COL5A2: variants seen among roughly 807,000 people sequenced by gnomAD.
COL5A2 encodes collagen type V alpha 2 chain.
In COL5A2, 23 loss-of-function variants were observed where a neutral mutation model predicts 208.2. The ratio of observed to expected loss-of-function variants is 0.11; its 90% CI spans 0.08 to 0.16. The LOEUF (loss-of-function observed/expected upper bound fraction) is 0.16, where lower values mean the gene tolerates loss of function less well. Among genes scored for constraint, COL5A2 ranks in the 10% least tolerant of loss-of-function variants. COL5A2 has a pLI of 1.00. For synonymous variants in COL5A2, 625 were observed against 628.5 expected (o/e 0.99, Z 0.08); for missense variants, 1,590 against 1,956.4 (o/e 0.81, Z 3.53).
the COL5A2 span, among the ~76,000 whole-genome samples, chr2:189,253,077 A>G: frequency 4.6e-5 from 7 of 152,218 alleles, no homozygotes; most frequent in Non-Finnish European, 7.3e-5. Flanking sequence ...GAATTTGAAG[A>G]GATGTCTGGT....
chr2:189,179,931 T>C (rs1407736377), upstream of COL5A2: 4 of 521,710 alleles, frequency 7.7e-6, no homozygotes, highest in Non-Finnish European at 1.0e-5. Flanking sequence ...GCCTGAACTT[T>C]CCCTATTTCA....
intron 1 of COL5A2, among the ~76,000 whole-genome samples, chr2:189,169,996 C>T (rs879711763): frequency 2.6e-5 from 4 of 152,172 alleles, no homozygotes; most frequent in Admixed American, 6.5e-5. Flanking sequence ...GGATTACAGG[C>T]GTGAGCCACC....
chr2:189,156,551 T>C (rs980550648), intron 1 of COL5A2, among the ~76,000 whole-genome samples: 7 of 152,176 alleles, frequency 4.6e-5, no homozygotes, highest in African/African-American at 1.7e-4. Flanking sequence ...CATAAATTAA[T>C]TTTAAAAGAG....
In COL5A2 at chr2:189,045,801, G is replaced by T. The variant is rs150401168; in HGVS notation, c.3308C>A (p.Pro1103Gln). Residue 1103 changes from proline (P) to glutamine (Q), a missense_variant and splice_region_variant, in exon 46 of 54, where the codon CCG (proline) becomes CAG (glutamine). By Grantham distance (76) the Pro-to-Gln change is moderately conservative. Coordinates refer to ENST00000374866, the MANE Select transcript of COL5A2 (RefSeq NM_000393.5). ...GTGTGAAATTGACTCCCTCCTTACC[G>T]GATCTCCTCTTTGTCCTGCATCTCC... ...APGDAGQRGD[P>Q]GSRGPIGPPG... The T allele has an allele frequency of 1.2e-6, 2 of 1,613,412 alleles. No homozygotes were observed. The highest frequency in any genetic ancestry group is 1.3e-5 in the African/African-American group (1 of 74,888).
the COL5A2 span, among the ~76,000 whole-genome samples, chr2:189,243,414 C>G: frequency 2.6e-5 from 4 of 152,096 alleles, no homozygotes; most frequent in Non-Finnish European, 5.9e-5. Flanking sequence ...CTCAAGAGGT[C>G]TCACAATCAT....
At chr2:189,107,033 G>A (rs1237958947) in intron 2 of COL5A2, among the ~76,000 whole-genome samples, 1 of 151,334 alleles carries the variant, frequency 6.6e-6, no homozygotes, top group Non-Finnish European at 1.5e-5. Context: ...TTTTTTGTGT[G>A]TGTCATTGTT....
chr2:189,077,338 A>AC (rs1559092734), intron 16 of COL5A2, among the ~76,000 whole-genome samples: 1 of 152,198 alleles, frequency 6.6e-6, no homozygotes, highest in Non-Finnish European at 1.5e-5. Flanking sequence ...GAAAGAATGT[A>AC]TGGGTCTTGG....
At chr2:189,141,234 G>A (rs185498124) in intron 1 of COL5A2, among the ~76,000 whole-genome samples, 3 of 152,172 alleles carry the variant, frequency 2.0e-5, no homozygotes, top group Admixed American at 2.0e-4. Context: ...AAAAACATTG[G>A]TGAATTAATA....
Position 189,063,156 on chromosome 2 carries a change from T to C in COL5A2, c.1869+16A>G. The C allele has an allele frequency of 1.2e-6, 2 of 1,613,126 alleles. No homozygotes were observed. The highest frequency in any genetic ancestry group is 1.6e-4 in the Middle Eastern group (1 of 6,062). ...GATCATGATGAGGTGGCCAACATATTATACACTGTACTCACACTGCTACCT... is the reference window on the plus strand; with the variant it reads ...GATCATGATGAGGTGGCCAACATATCATACACTGTACTCACACTGCTACCT... On this transcript the variant is annotated intron_variant, in intron 27 of 53. Transcript: ENST00000374866.
the COL5A2 span, among the ~76,000 whole-genome samples, chr2:189,243,088 A>G: frequency 4.6e-5 from 7 of 152,222 alleles, no homozygotes; most frequent in East Asian, 1.3e-3. Flanking sequence ...AGGGAAAGGC[A>G]AAGAAAAGAG....
chr2:189,061,436 T>C (rs1265516578), intron 30 of COL5A2, 126 bp downstream of exon 30: 2 of 738,578 alleles, frequency 2.7e-6, no homozygotes, highest in Non-Finnish European at 4.7e-6. Flanking sequence ...CTATACTATC[T>C]ACTAAAAGAG....
At chr2:189,283,002 A>G in the COL5A2 span, among the ~76,000 whole-genome samples, 4 of 152,190 alleles carry the variant, frequency 2.6e-5, no homozygotes, top group African/African-American at 9.6e-5. Flanking sequence ...AGTTAGGAAT[A>G]TAAGCAACAT....
In COL5A2 at chr2:189,041,696, G is replaced by T; in HGVS notation, c.3526-3C>A. On this transcript the variant is annotated splice_region_variant and splice_polypyrimidine_tract_variant and intron_variant, in intron 49 of 53. Coordinates refer to ENST00000374866, the MANE Select transcript of COL5A2 (RefSeq NM_000393.5). ...GGACCAACTGGGCCTGGAGGACCCT[G>T]CAAGAAACAAAGACTGTAGTTTAGA... The T allele has an allele frequency of 1.2e-6, 2 of 1,609,722 alleles. No homozygotes were observed. Among genetic ancestry groups the T allele is most frequent in the Non-Finnish European group, 1.7e-6 (2 of 1,176,078 alleles).
At chr2:189,245,744 G>A in the COL5A2 span, among the ~76,000 whole-genome samples, 2 of 152,014 alleles carry the variant, frequency 1.3e-5, no homozygotes, top group Admixed American at 6.6e-5. Context: ...AAAGTGCTGG[G>A]GATCTATCAC....
At chr2:189,255,507 AAT>A in the COL5A2 span, among the ~76,000 whole-genome samples, 1 of 152,314 alleles carries the variant, frequency 6.6e-6, no homozygotes, top group South Asian at 2.1e-4. Flanking sequence ...TGAAAAATTC[AAT>A]ATTCTCACAG....
chr2:189,293,063 A>T, the COL5A2 span, among the ~76,000 whole-genome samples: 1 of 148,344 alleles, frequency 6.7e-6, no homozygotes, highest in African/African-American at 2.5e-5. Context: ...ATGAGAACAC[A>T]TGGACACAGG....
the COL5A2 span, among the ~76,000 whole-genome samples, chr2:189,322,206 A>G: frequency 6.6e-6 from 1 of 152,240 alleles, no homozygotes; most frequent in Admixed American, 6.5e-5. Context: ...ATAGCACTAA[A>G]TACCCACAAG....
intron 1 of COL5A2, among the ~76,000 whole-genome samples, chr2:189,214,758 A>C: frequency 6.6e-6 from 1 of 152,174 alleles, no homozygotes; most frequent in East Asian, 1.9e-4. Context: ...AATGTGACTA[A>C]TTCTCAGTAG....
the COL5A2 span, among the ~76,000 whole-genome samples, chr2:189,313,587 T>C: frequency 6.6e-6 from 1 of 152,140 alleles, no homozygotes; most frequent in Admixed American, 6.5e-5. Flanking sequence ...AATCCACACA[T>C]ATCAATACTA....
Sources: allele counts gnomAD v4.1 joint callset (sites outside exome capture counted in the v4.1 genomes callset), GRCh38; gene constraint gnomAD v4.1.1; transcripts MANE v1.5; gene names NCBI Gene and HGNC (gene_info 2026-07-23, HGNC 2026-07-21).